The following VAV1 variants were observed in gnomAD, a reference collection of about 807,000 sequenced individuals.
VAV1 encodes vav guanine nucleotide exchange factor 1, also known as proto-oncogene vav.
Under a neutral mutation model 128.1 loss-of-function variants are expected in VAV1, and 33 were observed. The observed-to-expected ratio is 0.26, with a 90% confidence interval of 0.20 to 0.34. The LOEUF is 0.34. Among genes scored for constraint, VAV1 ranks in the 10% least tolerant of loss-of-function variants. VAV1 has a pLI of 1.00. For synonymous variants in VAV1, 394 were observed against 409.8 expected, an observed-to-expected ratio of 0.96 and a Z score of 0.47; for missense variants, 715 against 1,093.7, an observed-to-expected ratio of 0.65 and a Z score of 4.88.
intron 22 of VAV1, 90 bp from the exon 23 acceptor site, chr19:6,847,908 G>C: frequency 8.3e-7 from 1 of 1,208,498 alleles, no homozygotes. Context: ...AAAATCAAAG[G>C]GGTTCAGGGG....
At position 6,840,934 on chromosome 19, in the gene VAV1, C is replaced by T. The variant is rs541946598; in HGVS notation, c.1981-2201C>T. On this transcript the variant is annotated intron_variant, in intron 21 of 26. Transcript: ENST00000602142. ...CTGGGATTACAGGCATGCACCACCA[C>T]ACCAAGCTAATTTTTGTATTTTTAG... is the stretch of plus-strand genomic sequence containing the variant. Among the ~76,000 whole-genome samples, 14 of 152,154 alleles carry T rather than the reference C, an allele frequency of 9.2e-5. No individual in the cohort carries two copies. In the East Asian group the frequency reaches 2.3e-3, roughly 25 times the overall value.
At chr19:6,778,847 TGGTAACATAGTGA>T (rs1228518841) in intron 1 of VAV1, among the ~76,000 whole-genome samples, 1 of 151,144 alleles carries the variant, frequency 6.6e-6, no homozygotes, top group Non-Finnish European at 1.5e-5. Context: ...ATTCAAAGCC[TGGTAACATAGTGA>T]GACCCCGTCT....
In VAV1 at chr19:6,826,135, C is replaced by A. The variant is rs1176830481; in HGVS notation, c.828-477C>A. ...GGCAGATCACTTGAGGTCAGGAGTT[C>A]GAGACCAGCCTGGCCAACATGGCAA... On this transcript the variant is annotated intron_variant, in intron 8 of 26. Coordinates refer to ENST00000602142, the MANE Select transcript of VAV1 (RefSeq NM_005428.4). The surrounding 1 kb of genome is among the most constrained non-coding windows in gnomAD (Gnocchi z 4.1). Among the ~76,000 whole-genome samples, 1 of 151,930 alleles carries A rather than the reference C, an allele frequency of 6.6e-6. No homozygotes were observed. The highest frequency in any genetic ancestry group is 2.4e-5 in the African/African-American group (1 of 41,368).
chr19:6,799,020 C>A (rs948180143), intron 1 of VAV1, among the ~76,000 whole-genome samples: 8 of 151,762 alleles, frequency 5.3e-5, no homozygotes, highest in Non-Finnish European at 1.5e-5. Flanking sequence ...GGAATGGTAC[C>A]ATCTGTGGTC....
chr19:6,847,624 C>T (rs1382854177), intron 22 of VAV1, among the ~76,000 whole-genome samples: 2 of 152,162 alleles, frequency 1.3e-5, no homozygotes, highest in Admixed American at 6.6e-5. Flanking sequence ...ACCTGAGGCT[C>T]GTGACTCATT....
intron 1 of VAV1, among the ~76,000 whole-genome samples, chr19:6,807,364 C>T (rs1029922264): frequency 1.3e-5 from 2 of 151,984 alleles, no homozygotes; most frequent in African/African-American, 4.8e-5. Context: ...CGATAAGGAG[C>T]GCACAAGGTA....
At chr19:6,817,378 T>C (rs1465118186) in intron 1 of VAV1, among the ~76,000 whole-genome samples, 1 of 151,986 alleles carries the variant, frequency 6.6e-6, no homozygotes, top group East Asian at 1.9e-4. Context: ...AATGCAAATA[T>C]TGTTATGGTA....
intron 14 of VAV1, among the ~76,000 whole-genome samples, chr19:6,831,618 T>C (rs924365297): frequency 6.6e-6 from 1 of 152,158 alleles, no homozygotes; most frequent in Non-Finnish European, 1.5e-5. Context: ...GGCTGGCTTC[T>C]CTATTTCTCA....
chr19:6,774,251 C>T (rs1254062213), intron 1 of VAV1, among the ~76,000 whole-genome samples: 3 of 151,950 alleles, frequency 2.0e-5, no homozygotes, highest in African/African-American at 4.8e-5. Context: ...CCTCAGCCTC[C>T]CGAGTAGCTG....
chr19:6,853,168 T>A lies in VAV1; in HGVS notation c.2332+89T>A. On this transcript the variant is annotated intron_variant, in intron 25 of 26. Transcript: ENST00000602142. The stretch of plus-strand genomic sequence containing the variant: ...GGGATGCCATTGACACCCCTTCCAA[T>A]GGCCTTGCAGAGGTCATATCTGTGC... The A allele has an allele frequency of 3.4e-6, 4 of 1,168,824 alleles. No homozygotes were observed. In the South Asian group the frequency reaches 5.3e-5, roughly 15 times the overall value. The allele number at this position is 1,168,824 out of a possible 1,614,324, so 72.4% of individuals were successfully genotyped here. A position where few individuals can be genotyped will look rare whatever the true frequency, so the allele number is the denominator to read the frequency against.
At chr19:6,830,021 G>A in intron 14 of VAV1, 103 bp downstream of exon 14, 3 of 1,558,294 alleles carry the variant, frequency 1.9e-6, no homozygotes, top group South Asian at 2.3e-5. Flanking sequence ...CTACATGGAA[G>A]TGTGTGTTAA....
intron 1 of VAV1, among the ~76,000 whole-genome samples, chr19:6,781,586 A>G (rs899961313): frequency 1.3e-5 from 2 of 149,038 alleles, no homozygotes; most frequent in East Asian, 3.9e-4. Context: ...ACTTTCTAGA[A>G]CTACTGACCT....
intron 1 of VAV1, among the ~76,000 whole-genome samples, chr19:6,797,874 T>C (rs2036753325): frequency 6.6e-6 from 1 of 151,556 alleles, no homozygotes; most frequent in South Asian, 2.1e-4. Flanking sequence ...CCTAAGCTGA[T>C]AGTCATCCTA....
chr19:6,826,580 C>T lies in VAV1; in HGVS notation c.828-32C>T. ...CTCTGCCCGACCTTGATGCCAGTCA[C>T]CTTTACCTGGTGGCCTGTCTTCTCC... On this transcript the variant is annotated intron_variant, in intron 8 of 26. Coordinates refer to ENST00000602142, the MANE Select transcript of VAV1 (RefSeq NM_005428.4). This position sits in a 1 kb window ranked among gnomAD's most constrained non-coding sequence, Gnocchi z 4.1. 3 of 1,524,830 alleles carry T rather than the reference C, an allele frequency of 2.0e-6. No homozygotes were observed. The highest frequency in any genetic ancestry group is 1.4e-5 in the African/African-American group (1 of 72,714). The allele number at this position is 1,524,830 out of a possible 1,614,324, so 94.5% of individuals were successfully genotyped here.
At chr19:6,790,030 T>C (rs1599624491) in intron 1 of VAV1, among the ~76,000 whole-genome samples, 1 of 152,090 alleles carries the variant, frequency 6.6e-6, no homozygotes, top group African/African-American at 2.4e-5. Context: ...ACAAAAAAAT[T>C]AGCCGGCCAT....
intron 9 of VAV1, 99 bp from the exon 10 acceptor site, chr19:6,827,977 G>T: frequency 1.0e-6 from 1 of 978,444 alleles, no homozygotes; most frequent in Non-Finnish European, 1.6e-6. Context: ...CTGGGGTGGA[G>T]AGCTGCTCAC....
At chr19:6,833,662 T>C in intron 17 of VAV1, 37 bp downstream of exon 17, 6 of 1,614,096 alleles carry the variant, frequency 3.7e-6, no homozygotes, top group South Asian at 1.1e-5. Flanking sequence ...TGAGCTTGGT[T>C]CTCTTTGGAG....
intron 1 of VAV1, among the ~76,000 whole-genome samples, chr19:6,817,402 G>A (rs974961750): frequency 6.6e-6 from 1 of 152,154 alleles, no homozygotes; most frequent in African/African-American, 2.4e-5. Context: ...GCACAGAGTA[G>A]GGGTTGGCAA....
intron 22 of VAV1, among the ~76,000 whole-genome samples, chr19:6,843,627 C>T (rs142702635): frequency 2.6e-5 from 4 of 152,272 alleles, no homozygotes; most frequent in Non-Finnish European, 4.4e-5. Flanking sequence ...GTTACTTAAC[C>T]TCCCTCTGTT....
Sources: allele counts gnomAD v4.1 joint callset (sites outside exome capture counted in the v4.1 genomes callset), GRCh38; gene constraint gnomAD v4.1.1; non-coding constraint Gnocchi (gnomAD v3.1); transcripts MANE v1.5; gene names NCBI Gene and HGNC (gene_info 2026-07-23, HGNC 2026-07-21).